The following GSG1L variants were observed in gnomAD, a reference collection of about 807,000 sequenced individuals.
GSG1L encodes the protein germ cell-specific gene 1-like protein.
In GSG1L, 24 loss-of-function variants were observed where a neutral mutation model predicts 42.1. The ratio of observed to expected loss-of-function variants is 0.57; its 90% CI spans 0.41 to 0.80. The LOEUF is 0.80. GSG1L is among the 30% of genes least tolerant of loss of function. The probability of loss-of-function intolerance (pLI) is 0.00; values close to 1 mark genes in which losing one functional copy is unlikely to be tolerated. For missense variants in GSG1L, 445 were observed against 472.2 expected, an observed-to-expected ratio of 0.94 and a Z score of 0.53; for synonymous variants, 215 against 203.5, an observed-to-expected ratio of 1.06 and a Z score of -0.48.
intron 1 of GSG1L, among the ~76,000 whole-genome samples, chr16:28,057,447 G>A (rs1413799865): frequency 1.3e-5 from 2 of 152,120 alleles, no homozygotes; most frequent in Admixed American, 1.3e-4. Context: ...GGGGCACCGT[G>A]GATTCCCCCA....
In GSG1L at chr16:27,790,209, G is replaced by T. The variant is rs1181751480; in HGVS notation, c.*1161C>A. On this transcript the variant is annotated 3_prime_UTR_variant, in exon 7 of 7. Transcript: ENST00000447459. ...ATGAATGGGTGGATAATAGATGGAC[G>T]AATGATGAATGGATGGATGGATAAT... is the stretch of plus-strand genomic sequence containing the variant. 1 of 151,940 alleles carries T rather than the reference G, an allele frequency of 6.6e-6. No individual in the cohort carries two copies. Among genetic ancestry groups the T allele is most frequent in the African/African-American group, 2.4e-5 (1 of 41,346 alleles). 9.4% of individuals were successfully genotyped at this position (151,940 alleles called of 1,614,324 possible). A position where few individuals can be genotyped will look rare whatever the true frequency, so the allele number is the denominator to read the frequency against.
chr16:27,794,338 T>TC (rs1567455721), intron 6 of GSG1L, among the ~76,000 whole-genome samples: 1 of 151,840 alleles, frequency 6.6e-6, no homozygotes, highest in East Asian at 1.9e-4. Flanking sequence ...AACTTTCTTT[T>TC]TTTTTTTTTT....
intron 1 of GSG1L, among the ~76,000 whole-genome samples, chr16:28,002,543 C>A (rs2085589216): frequency 6.6e-6 from 1 of 152,052 alleles, no homozygotes; most frequent in Admixed American, 6.5e-5. Flanking sequence ...ATGGCTTGAG[C>A]CCAGGAGGTG....
chr16:28,030,798 T>TGGGATGGGAGGGGAGGGGAGGGGAG (rs2085951203), intron 1 of GSG1L, among the ~76,000 whole-genome samples: 1 of 129,602 alleles, frequency 7.7e-6, no homozygotes, highest in Non-Finnish European at 1.6e-5. Context: ...TGGGATGGGA[T>TGGGATGGGAGGGGAGGGGAGGGGAG]GAGATAAGTT....
chr16:28,046,808 G>A (rs1185066590), intron 1 of GSG1L, among the ~76,000 whole-genome samples: 2 of 152,176 alleles, frequency 1.3e-5, no homozygotes, highest in African/African-American at 4.8e-5. Flanking sequence ...GCCTTTGCAC[G>A]TGCCATGTCC....
At chr16:27,896,144 T>G (rs2084189719) in intron 2 of GSG1L, among the ~76,000 whole-genome samples, 1 of 152,108 alleles carries the variant, frequency 6.6e-6, no homozygotes, top group African/African-American at 2.4e-5. Flanking sequence ...GTCACTCCAA[T>G]GGGTGGGGCA....
intron 1 of GSG1L, among the ~76,000 whole-genome samples, chr16:28,045,059 G>A (rs2086146413): frequency 6.6e-6 from 1 of 152,194 alleles, no homozygotes; most frequent in Non-Finnish European, 1.5e-5. Flanking sequence ...GGAGTTTGGG[G>A]GAAAGAAAGG....
At chr16:27,947,125 T>TTTTTG (rs1172514898) in intron 2 of GSG1L, among the ~76,000 whole-genome samples, 1 of 152,118 alleles carries the variant, frequency 6.6e-6, no homozygotes, top group East Asian at 1.9e-4. Context: ...GCAAGTTTTG[T>TTTTTG]TTTTGTTTTG....
At chr16:27,791,833 C>T (rs1241455708) in intron 6 of GSG1L, among the ~76,000 whole-genome samples, 2 of 152,086 alleles carry the variant, frequency 1.3e-5, no homozygotes, top group East Asian at 1.9e-4. Context: ...ACCACTCCCC[C>T]AGCCATCCTC....
At position 27,788,717 on chromosome 16, in the gene GSG1L, T is replaced by C. The variant is rs2082719177; in HGVS notation, c.*2653A>G. 6.6e-6 allele frequency: 1 copy of C among 152,280 alleles called. No homozygotes were observed. Among genetic ancestry groups the C allele is most frequent in the African/African-American group, 2.4e-5 (1 of 41,466 alleles). The allele number at this position is 152,280 out of a possible 1,614,324, so 9.4% of individuals were successfully genotyped here. On this transcript the variant is annotated 3_prime_UTR_variant, in exon 7 of 7. Transcript: ENST00000447459. ...CCCCGATTTCCCCTTGTTGTCCTGT[T>C]AGTAAACACCCACAAAGTGTTTACT...
At chr16:28,015,681 A>T (rs2085772500) in intron 1 of GSG1L, among the ~76,000 whole-genome samples, 1 of 152,238 alleles carries the variant, frequency 6.6e-6, no homozygotes, top group African/African-American at 2.4e-5. Context: ...TGAAATAATG[A>T]GGAAAGTGTG....
At chr16:27,849,196 C>CCCCCCA (rs1289372881) in intron 3 of GSG1L, among the ~76,000 whole-genome samples, 1 of 72,928 alleles carries the variant, frequency 1.4e-5, no homozygotes. Context: ...AGCCTCTATC[C>CCCCCCA]CAAAAAGAAA....
At chr16:27,865,508 T>C (rs2083703496) in intron 3 of GSG1L, among the ~76,000 whole-genome samples, 1 of 134,836 alleles carries the variant, frequency 7.4e-6, no homozygotes, top group Non-Finnish European at 1.6e-5. Flanking sequence ...CGCTTCTTTC[T>C]TTCTCTCTCT....
chr16:27,890,759 T>C (rs900270538), intron 2 of GSG1L, among the ~76,000 whole-genome samples: 1 of 152,200 alleles, frequency 6.6e-6, no homozygotes, highest in African/African-American at 2.4e-5. Context: ...GAGCTGGAGC[T>C]CAGACAGGTG....
At chr16:27,850,445 T>C (rs2083497690) in intron 3 of GSG1L, 2 of 447,626 alleles carry the variant, frequency 4.5e-6, no homozygotes. Flanking sequence ...TGCATGCGAA[T>C]GATAAATAAC....
Position 28,063,626 on chromosome 16 carries a change from C to G in GSG1L, c.-202G>C, listed in dbSNP as rs1383110475. On this transcript the variant is annotated 5_prime_UTR_variant, in exon 1 of 7. Transcript: ENST00000447459. The surrounding 1 kb of genome is among the most constrained non-coding windows in gnomAD (Gnocchi z 5.8). ...CGGCGCGGGGGGCGTGCGGGGCGGG[C>G]TGGCGGGGCGGGCGGCGGTGGAGGA... is the stretch of plus-strand genomic sequence containing the variant. The G allele has an allele frequency of 6.7e-6, 1 of 148,188 alleles. No homozygotes were observed. Among genetic ancestry groups the G allele is most frequent in the Non-Finnish European group, 1.5e-5 (1 of 68,374 alleles). The allele number at this position is 148,188 out of a possible 1,614,324, so 9.2% of individuals were successfully genotyped here. A position where few individuals can be genotyped will look rare whatever the true frequency, so the allele number is the denominator to read the frequency against.
intron 5 of GSG1L, among the ~76,000 whole-genome samples, chr16:27,815,134 C>A (rs1383679439): frequency 6.6e-6 from 1 of 152,170 alleles, no homozygotes; most frequent in Non-Finnish European, 1.5e-5. Flanking sequence ...GTGTAAGAAA[C>A]ATCCACTGAT....
At chr16:27,859,179 G>A (rs1232012956) in intron 3 of GSG1L, among the ~76,000 whole-genome samples, 6 of 152,156 alleles carry the variant, frequency 3.9e-5, no homozygotes, top group Admixed American at 6.5e-5. Context: ...ATCTGGCTCC[G>A]TGTCTCTGCA....
At chr16:27,855,340 T>G (rs967870472) in intron 3 of GSG1L, among the ~76,000 whole-genome samples, 3 of 152,158 alleles carry the variant, frequency 2.0e-5, no homozygotes, top group Non-Finnish European at 4.4e-5. Flanking sequence ...AGAGTCCACA[T>G]CTCTTTTTGG....
Sources: allele counts gnomAD v4.1 joint callset (sites outside exome capture counted in the v4.1 genomes callset), GRCh38; gene constraint gnomAD v4.1.1; non-coding constraint Gnocchi (gnomAD v3.1); transcripts MANE v1.5; gene names NCBI Gene and HGNC (gene_info 2026-07-23, HGNC 2026-07-21).